The following PARP8 variants were observed in gnomAD, a reference collection of about 807,000 sequenced individuals.
PARP8 encodes protein mono-ADP-ribosyltransferase PARP8.
PARP8 carries 51 observed loss-of-function variants against 124.1 expected under a neutral mutation model. The ratio of observed to expected loss-of-function variants is 0.41; its 90% CI spans 0.33 to 0.52. The LOEUF (loss-of-function observed/expected upper bound fraction) is 0.52. Ranked by LOEUF, PARP8 falls within the 20% of genes least tolerant of loss-of-function variation. PARP8 has a pLI of 0.21. For missense variants in PARP8, 860 were observed against 1,018.9 expected, an observed-to-expected ratio of 0.84 and a Z score of 2.12; for synonymous variants, 391 against 361.5, an observed-to-expected ratio of 1.08 and a Z score of -0.93.
chr5:50,796,270 A>C (rs1441121139), intron 12 of PARP8, among the ~76,000 whole-genome samples: 1 of 152,222 alleles, frequency 6.6e-6, no homozygotes, highest in Non-Finnish European at 1.5e-5. Context: ...ATTGAAAAAA[A>C]TAAGATGTTT....
intron 7 of PARP8, among the ~76,000 whole-genome samples, chr5:50,777,743 G>A (rs748575438): frequency 5.3e-5 from 8 of 152,080 alleles, no homozygotes; most frequent in Non-Finnish European, 8.8e-5. Context: ...TATCCTCAGA[G>A]TGCTGTGAAA....
rs1742332795 is a variant in PARP8, at chr5:50,794,705, C to G, written c.864-148C>G. 3 of 754,824 alleles carry G rather than the reference C, an allele frequency of 4.0e-6. No individual in the cohort carries two copies. In the African/African-American group the frequency reaches 5.3e-5, roughly 13 times the overall value. 46.8% of individuals were successfully genotyped at this position (754,824 alleles called of 1,614,324 possible). On this transcript the variant is annotated intron_variant, in intron 11 of 25. Transcript: ENST00000281631. Reference sequence around the variant, plus strand: ...AGTCCTGTGATCATTCTGCACATACCTTTGATTTCAGTTTTGACTGGGTAG... The same window carrying G: ...AGTCCTGTGATCATTCTGCACATACGTTTGATTTCAGTTTTGACTGGGTAG...
rs1402369452 is a variant in PARP8 at position 50,845,427 on chromosome 5, T to C, written c.*3359T>C. On this transcript the variant is annotated 3_prime_UTR_variant, in exon 26 of 26. Coordinates refer to ENST00000281631, the MANE Select transcript of PARP8 (RefSeq NM_024615.4). ...ATTTCATGGTGGCATTTGAAGCACA[T>C]TTTGCAAACATTATGATGTTCTATT... 1 of 151,738 alleles carries C rather than the reference T, an allele frequency of 6.6e-6. No individual in the cohort carries two copies. Among genetic ancestry groups the C allele is most frequent in the Non-Finnish European group, 1.5e-5 (1 of 67,786 alleles). 9.4% of individuals were successfully genotyped at this position (151,738 alleles called of 1,614,324 possible).
intron 2 of PARP8, among the ~76,000 whole-genome samples, chr5:50,686,401 G>GC (rs1251135566): frequency 6.6e-6 from 1 of 152,226 alleles, no homozygotes; most frequent in Non-Finnish European, 1.5e-5. Context: ...GTAGGGTGTA[G>GC]CCCCCTCCTG....
intron 3 of PARP8, 131 bp downstream of exon 3, chr5:50,750,319 A>G (rs1368242937): frequency 9.9e-6 from 7 of 709,002 alleles, no homozygotes; most frequent in Non-Finnish European, 1.7e-5. Flanking sequence ...TTAAAGCTAT[A>G]GAAGAATTCT....
chr5:50,782,497 T>C (rs1049810451), intron 9 of PARP8, among the ~76,000 whole-genome samples: 2 of 152,224 alleles, frequency 1.3e-5, no homozygotes, highest in African/African-American at 2.4e-5. Context: ...AAAAGGAACC[T>C]TTAACTTATT....
intron 7 of PARP8, among the ~76,000 whole-genome samples, chr5:50,773,022 A>ATTTG (rs552245180): frequency 2.5e-3 from 379 of 151,966 alleles, no homozygotes; most frequent in Middle Eastern, 0.014. Context: ...AAGTCAGATT[A>ATTTG]TTTGTTTGTT....
chr5:50,670,215 A>G (rs1367975756), intron 2 of PARP8, among the ~76,000 whole-genome samples: 1 of 152,222 alleles, frequency 6.6e-6, no homozygotes, highest in Admixed American at 6.5e-5. Flanking sequence ...AACTTGTAAT[A>G]TTGAATTAAT....
At chr5:50,740,495 A>G (rs1008221567) in intron 2 of PARP8, among the ~76,000 whole-genome samples, 5 of 152,132 alleles carry the variant, frequency 3.3e-5, no homozygotes, top group Admixed American at 3.3e-4. Flanking sequence ...AGACGCATAG[A>G]TAGGGAAGGT....
chr5:50,670,919 G>A (rs1200024756), intron 2 of PARP8, among the ~76,000 whole-genome samples: 3 of 152,178 alleles, frequency 2.0e-5, no homozygotes. Flanking sequence ...ATTTACATAT[G>A]CTTGAAAACT....
Position 50,821,209 on chromosome 5 carries a change from C to T in PARP8, c.1669-4C>T, listed in dbSNP as rs1214971294. Reference sequence around the variant, plus strand: ...TAGTAACTATCTTATGTGTATATTTCAAGGTGGTAGATCTACTAGTATCCA... The same window carrying T: ...TAGTAACTATCTTATGTGTATATTTTAAGGTGGTAGATCTACTAGTATCCA... On this transcript the variant is annotated splice_region_variant and splice_polypyrimidine_tract_variant and intron_variant, in intron 15 of 25. Transcript: ENST00000281631. The T allele has an allele frequency of 6.2e-7, 1 of 1,613,892 alleles. No individual in the cohort carries two copies. Among genetic ancestry groups the T allele is most frequent in the Non-Finnish European group, 8.5e-7 (1 of 1,179,852 alleles).
intron 2 of PARP8, among the ~76,000 whole-genome samples, chr5:50,740,745 C>T (rs1303542907): frequency 6.6e-6 from 1 of 150,560 alleles, no homozygotes; most frequent in Non-Finnish European, 1.5e-5. Flanking sequence ...GCCAGGAAGT[C>T]GAGGCTGCAG....
intron 2 of PARP8, among the ~76,000 whole-genome samples, chr5:50,688,079 G>C (rs1055668667): frequency 1.6e-4 from 24 of 152,098 alleles, no homozygotes; most frequent in African/African-American, 5.8e-4. Context: ...GAAGTTCTAG[G>C]CTCAGGGGAT....
At position 50,795,445 on chromosome 5, in the gene PARP8, T is replaced by C. The variant is rs1351252060; in HGVS notation, c.1428+28T>C. On this transcript the variant is annotated intron_variant, in intron 12 of 25. Transcript: ENST00000281631. ...GCGTAAATATTTTCATCTTGAGTTC[T>C]TAAATGTTAGCTAAGGTGCAGTAGA... 5.2e-6 allele frequency: 8 copies of C among 1,535,148 alleles called. 1 individual carries two copies. The African/African-American group carries it at 1.1e-4, about 21-fold the overall frequency.
intron 2 of PARP8, among the ~76,000 whole-genome samples, chr5:50,746,926 G>C (rs546860119): frequency 6.6e-6 from 1 of 152,200 alleles, no homozygotes; most frequent in East Asian, 1.9e-4. Flanking sequence ...CTACCCAGGA[G>C]GCTGCAGGGG....
chr5:50,776,890 G>A (rs1399801675), intron 7 of PARP8, among the ~76,000 whole-genome samples: 2 of 152,144 alleles, frequency 1.3e-5, no homozygotes, highest in Admixed American at 1.3e-4. Context: ...CACAGTTTTA[G>A]AGTTGGACAT....
intron 15 of PARP8, among the ~76,000 whole-genome samples, 195 bp downstream of exon 15, chr5:50,815,719 G>A (rs1283753219): frequency 1.3e-5 from 2 of 152,066 alleles, no homozygotes; most frequent in African/African-American, 4.8e-5. Flanking sequence ...GTTATTTTGT[G>A]ATTGCCAAGG....
intron 2 of PARP8, chr5:50,741,763 A>G (rs1239305615): frequency 9.6e-6 from 4 of 414,556 alleles, no homozygotes; most frequent in Admixed American, 8.9e-5. Flanking sequence ...GTAAAGGGTA[A>G]TACGTAATTT....
intron 2 of PARP8, among the ~76,000 whole-genome samples, chr5:50,723,337 T>C (rs767180054): frequency 3.3e-5 from 5 of 152,160 alleles, no homozygotes; most frequent in Admixed American, 6.6e-5. Flanking sequence ...TTGTATTCTC[T>C]ACTAGGTATA....
Sources: allele counts gnomAD v4.1 joint callset (sites outside exome capture counted in the v4.1 genomes callset), GRCh38; gene constraint gnomAD v4.1.1; transcripts MANE v1.5; gene names NCBI Gene and HGNC (gene_info 2026-07-23, HGNC 2026-07-21).